SMYD3: variants seen among roughly 807,000 people sequenced by gnomAD.
SMYD3 encodes histone-lysine N-methyltransferase SMYD3.
A neutral mutation model predicts 57.7 loss-of-function variants in SMYD3; 36 were observed. The observed-to-expected ratio is 0.62, with a 90% CI of 0.48 to 0.82. SMYD3 has a LOEUF of 0.82. Among genes scored for constraint, SMYD3 ranks in the 40% least tolerant of loss-of-function variants. SMYD3 has a pLI of 0.00. For missense variants in SMYD3, 515 were observed against 538.8 expected, an observed-to-expected ratio of 0.96 and a Z score of 0.44; for synonymous variants, 211 against 195.0, an observed-to-expected ratio of 1.08 and a Z score of -0.68.
At chr1:245,935,979 A>G (rs749077736) in intron 5 of SMYD3, among the ~76,000 whole-genome samples, 2 of 152,216 alleles carry the variant, frequency 1.3e-5, no homozygotes, top group Non-Finnish European at 2.9e-5. Context: ...TGATGACTAC[A>G]GTTAATAATA....
intron 1 of SMYD3, among the ~76,000 whole-genome samples, chr1:246,414,906 G>A (rs1330594214): frequency 2.6e-5 from 4 of 151,792 alleles, no homozygotes; most frequent in East Asian, 3.9e-4. Flanking sequence ...TAGTAGAGAC[G>A]ACGTTTCACC....
At chr1:246,229,606 T>C (rs573009299) in intron 5 of SMYD3, among the ~76,000 whole-genome samples, 2 of 152,252 alleles carry the variant, frequency 1.3e-5, no homozygotes, top group African/African-American at 4.8e-5. Flanking sequence ...AGTTCACAGT[T>C]CTGGAGGCTG....
intron 5 of SMYD3, among the ~76,000 whole-genome samples, chr1:246,071,861 T>C (rs868121410): frequency 1.5e-5 from 2 of 135,282 alleles, no homozygotes; most frequent in African/African-American, 5.9e-5. Flanking sequence ...GAGGGATTCG[T>C]GTGCTTTCCG....
chr1:245,911,367 T>C (rs1271780750), intron 8 of SMYD3, among the ~76,000 whole-genome samples: 1 of 151,942 alleles, frequency 6.6e-6, no homozygotes, highest in Non-Finnish European at 1.5e-5. Flanking sequence ...ACGTTGGATA[T>C]AGATCCAAAA....
chr1:246,022,589 A>G (rs562478121), intron 5 of SMYD3, among the ~76,000 whole-genome samples: 55 of 152,232 alleles, frequency 3.6e-4, no homozygotes, highest in Non-Finnish European at 7.1e-4. Flanking sequence ...ATTATGCTAC[A>G]TTATGTATAT....
At chr1:245,880,609 A>G (rs779923276) in intron 8 of SMYD3, among the ~76,000 whole-genome samples, 7 of 152,238 alleles carry the variant, frequency 4.6e-5, no homozygotes, top group Non-Finnish European at 8.8e-5. Context: ...CAATCCTTAT[A>G]GAAGACAAGA....
chr1:245,846,946 A>G (rs151228799), intron 10 of SMYD3, among the ~76,000 whole-genome samples: 102 of 152,298 alleles, frequency 6.7e-4, no homozygotes, highest in Non-Finnish European at 1.2e-3. Context: ...ATGCAGGAAG[A>G]GCAATTTCCA....
chr1:245,954,261 G>A (rs1409010685), intron 5 of SMYD3, among the ~76,000 whole-genome samples: 1 of 152,206 alleles, frequency 6.6e-6, no homozygotes, highest in East Asian at 1.9e-4. Flanking sequence ...TTAAAATGTA[G>A]TTGGTAGCTA....
chr1:246,295,362 T>C (rs771051168), intron 5 of SMYD3, among the ~76,000 whole-genome samples: 129 of 152,186 alleles, frequency 8.5e-4, no homozygotes, highest in Non-Finnish European at 1.0e-3. Context: ...GCCGAGGAGT[T>C]GATGAGCAAA....
intron 8 of SMYD3, among the ~76,000 whole-genome samples, chr1:245,873,422 C>T (rs564019773): frequency 3.8e-4 from 58 of 152,302 alleles, no homozygotes; most frequent in African/African-American, 1.3e-3. Context: ...TGTGTAAACG[C>T]TACCAGGTGG....
At chr1:246,391,499 G>A (rs888172359) in intron 1 of SMYD3, among the ~76,000 whole-genome samples, 3 of 146,852 alleles carry the variant, frequency 2.0e-5, no homozygotes, top group Non-Finnish European at 4.5e-5. Flanking sequence ...GGAGGGGAAA[G>A]GAAAAGAGAA....
intron 1 of SMYD3, among the ~76,000 whole-genome samples, chr1:246,365,703 T>C (rs532949656): frequency 6.6e-6 from 1 of 152,058 alleles, no homozygotes; most frequent in Non-Finnish European, 1.5e-5. Flanking sequence ...AAAATATGAC[T>C]GGGTGGAAAA....
At chr1:246,166,980 C>T (rs1363570733) in intron 5 of SMYD3, among the ~76,000 whole-genome samples, 2 of 152,190 alleles carry the variant, frequency 1.3e-5, no homozygotes, top group Non-Finnish European at 2.9e-5. Context: ...TCAATCTGCA[C>T]TCCGTCTCTA....
intron 5 of SMYD3, among the ~76,000 whole-genome samples, chr1:245,997,441 G>T (rs2058953406): frequency 6.6e-6 from 1 of 152,320 alleles, no homozygotes. Context: ...TCCTCAACAT[G>T]CTTCTGATAG....
chr1:246,165,553 G>A (rs1324945104), intron 5 of SMYD3, among the ~76,000 whole-genome samples: 1 of 152,170 alleles, frequency 6.6e-6, no homozygotes, highest in Non-Finnish European at 1.5e-5. Context: ...TTTCAGGGGT[G>A]AGGAGAGGTG....
At chr1:246,318,207 A>G (rs1269066401) in intron 5 of SMYD3, among the ~76,000 whole-genome samples, 3 of 152,128 alleles carry the variant, frequency 2.0e-5, no homozygotes, top group Non-Finnish European at 2.9e-5. Flanking sequence ...ACATAGCAAG[A>G]CCTTGTCTCT....
intron 5 of SMYD3, among the ~76,000 whole-genome samples, chr1:246,019,653 A>C (rs1411954891): frequency 6.6e-6 from 1 of 152,238 alleles, no homozygotes; most frequent in African/African-American, 2.4e-5. Flanking sequence ...TCAAGAATTC[A>C]TATCTAGATT....
chr1:245,953,207 G>A, intron 5 of SMYD3: 7 of 995,086 alleles, frequency 7.0e-6, no homozygotes, highest in Non-Finnish European at 8.5e-6. Flanking sequence ...AGTATATCTG[G>A]AGAAAGAAAC....
At chr1:245,896,448 A>G (rs957640835) in intron 8 of SMYD3, among the ~76,000 whole-genome samples, 3 of 152,064 alleles carry the variant, frequency 2.0e-5, no homozygotes, top group African/African-American at 7.2e-5. Context: ...ACAGAAATGC[A>G]AAGCAATAAA....
Sources: gnomAD v4.1 joint callset for allele counts (sites outside exome capture counted in the v4.1 genomes callset) on GRCh38, gnomAD v4.1.1 for gene constraint, MANE v1.5 for transcripts, NCBI Gene and HGNC (gene_info 2026-07-23, HGNC 2026-07-21) for gene names.